KDM1B: variants seen among roughly 807,000 people sequenced by gnomAD.
KDM1B encodes the protein lysine-specific histone demethylase 2.
Under a neutral mutation model 107.4 loss-of-function variants are expected in KDM1B, and 63 were observed. That is an observed-to-expected ratio of 0.59 (90% CI 0.48 to 0.72). The LOEUF (loss-of-function observed/expected upper bound fraction) is 0.72. Ranked by LOEUF, KDM1B falls within the 30% of genes least tolerant of loss-of-function variation. The probability of loss-of-function intolerance (pLI) is 0.00; values close to 1 mark genes in which losing one functional copy is unlikely to be tolerated. For missense variants in KDM1B, 749 were observed against 1,020.8 expected (o/e 0.73, Z 3.63); for synonymous variants, 363 against 363.9 (o/e 1.00, Z 0.03).
chr6:18,187,505 C>T (rs1250979736), intron 8 of KDM1B, among the ~76,000 whole-genome samples: 1 of 152,138 alleles, frequency 6.6e-6, no homozygotes, highest in African/African-American at 2.4e-5. Flanking sequence ...AGCTTTCAGA[C>T]TCACCTGGCA....
At chr6:18,166,814 A>G (rs187774413) in intron 6 of KDM1B, among the ~76,000 whole-genome samples, 77 of 151,842 alleles carry the variant, frequency 5.1e-4, no homozygotes, top group African/African-American at 1.9e-3. Context: ...TGATTACACC[A>G]CTACACTCCA....
At chr6:18,196,578 G>A (rs1177918874) in intron 10 of KDM1B, among the ~76,000 whole-genome samples, 1 of 152,046 alleles carries the variant, frequency 6.6e-6, no homozygotes, top group African/African-American at 2.4e-5. Context: ...TGATGGTGAG[G>A]AGTTTTTCAT....
intron 7 of KDM1B, among the ~76,000 whole-genome samples, chr6:18,179,458 C>T (rs1786281973): frequency 6.6e-6 from 1 of 152,038 alleles, no homozygotes; most frequent in Non-Finnish European, 1.5e-5. Flanking sequence ...TTTGATATTA[C>T]TTCTTTTTTT....
chr6:18,173,081 A>ACT (rs904029407), intron 7 of KDM1B, among the ~76,000 whole-genome samples: 5 of 132,602 alleles, frequency 3.8e-5, no homozygotes, highest in African/African-American at 1.4e-4. Flanking sequence ...CAAGAGTGAA[A>ACT]CTCCATCTCA....
rs566351741 is a variant in KDM1B, at chr6:18,213,191, C to G, written c.1984-465C>G. On this transcript the variant is annotated intron_variant, in intron 18 of 21. Transcript: ENST00000650836. This position sits in a 1 kb window ranked among gnomAD's most constrained non-coding sequence, Gnocchi z 5.9. ...GTGGCTCATGCCTGTAATCCCAGCA[C>G]TTTGGAAGGCTGAGGAGGATGGATT... Among the ~76,000 whole-genome samples the G allele has an allele frequency of 4.6e-5, 7 of 152,264 alleles. No homozygotes were observed. The East Asian group carries it at 1.2e-3, about 25-fold the overall frequency.
Position 18,200,296 on chromosome 6 carries a change from CT to C in KDM1B, c.1222-138del. 1 of 859,762 alleles carries C rather than the reference CT, an allele frequency of 1.2e-6. No individual in the cohort carries two copies. Among genetic ancestry groups the C allele is most frequent in the Non-Finnish European group, 1.8e-6 (1 of 568,790 alleles). 53.3% of individuals were successfully genotyped at this position (859,762 alleles called of 1,614,324 possible). ...TTTTGGCTTCTCTTCACACTGCCTG[CT>C]TTTTAAAGTTGTTTTTTTAGAAATA... On this transcript the variant is annotated intron_variant, in intron 12 of 21. Coordinates refer to ENST00000650836, the MANE Select transcript of KDM1B (RefSeq NM_001364614.2). This position sits in a 1 kb window ranked among gnomAD's most constrained non-coding sequence, Gnocchi z 4.3.
In KDM1B at chr6:18,203,624, G is replaced by A. The variant is rs151116203; in HGVS notation, c.1532-1913G>A. ...TCTCAGCACTTTGGGAGGCCAAGGC[G>A]GGTGGATCACCTGAGTTCAGGAGTT... On this transcript the variant is annotated intron_variant, in intron 14 of 21. Coordinates refer to ENST00000650836, the MANE Select transcript of KDM1B (RefSeq NM_001364614.2). This position sits in a 1 kb window ranked among gnomAD's most constrained non-coding sequence, Gnocchi z 5.5. 6.6e-3 allele frequency among the ~76,000 whole-genome samples: 1,006 copies of A among 152,250 alleles called. 13 individuals carry two copies. Among genetic ancestry groups the A allele is most frequent in the African/African-American group, 0.022 (923 of 41,544 alleles).
Position 18,213,113 on chromosome 6 carries a change from T to C in KDM1B, c.1983+509T>C, listed in dbSNP as rs939720449. Among the ~76,000 whole-genome samples the C allele has an allele frequency of 1.8e-4, 28 of 152,204 alleles. No homozygotes were observed. The highest frequency in any genetic ancestry group is 6.7e-4 in the African/African-American group (28 of 41,524). On this transcript the variant is annotated intron_variant, in intron 18 of 21. Coordinates refer to ENST00000650836, the MANE Select transcript of KDM1B (RefSeq NM_001364614.2). This position sits in a 1 kb window ranked among gnomAD's most constrained non-coding sequence, Gnocchi z 5.9. ...TCTAGGTTGCCAGTGGGTTCCATTA[T>C]CCATGGGAATGGAACTGAGTGGCAT...
intron 20 of KDM1B, among the ~76,000 whole-genome samples, chr6:18,215,741 CTT>C (rs779967439): frequency 1.2e-4 from 17 of 140,656 alleles, no homozygotes; most frequent in Non-Finnish European, 2.0e-4. Flanking sequence ...ACACACTTCC[CTT>C]TTTTTTTTTT....
At position 18,159,829 on chromosome 6, in the gene KDM1B, T is replaced by C. The variant is rs1228028587; in HGVS notation, c.-13-54T>C. 2 of 914,320 alleles carry C rather than the reference T, an allele frequency of 2.2e-6. No homozygotes were observed. The highest frequency in any genetic ancestry group is 3.3e-5 in the African/African-American group (2 of 61,088). 56.6% of individuals were successfully genotyped at this position (914,320 alleles called of 1,614,324 possible). A position where few individuals can be genotyped will look rare whatever the true frequency, so the allele number is the denominator to read the frequency against. On this transcript the variant is annotated intron_variant, in intron 2 of 21. Transcript: ENST00000650836. The surrounding 1 kb of genome is among the most constrained non-coding windows in gnomAD (Gnocchi z 4.5). ...AAGTGTATAATAACTTGCTCCAGAC[T>C]GTTAAAAATATTTGCAGATGCTAAT...
chr6:18,188,482 C>CG (rs1787036588), intron 9 of KDM1B, among the ~76,000 whole-genome samples: 1 of 152,144 alleles, frequency 6.6e-6, no homozygotes. Context: ...AAAAGGTTTT[C>CG]AACTATATGA....
chr6:18,220,857 C>T (rs555368994), intron 21 of KDM1B, among the ~76,000 whole-genome samples: 27 of 151,838 alleles, frequency 1.8e-4, no homozygotes, highest in African/African-American at 4.8e-4. Context: ...CTGCAACCTC[C>T]GCCACCTGCG....
In KDM1B at chr6:18,172,255, G is replaced by A. The variant is rs978427142; in HGVS notation, c.534+776G>A. Among the ~76,000 whole-genome samples, 8 of 152,124 alleles carry A rather than the reference G, an allele frequency of 5.3e-5. No homozygotes were observed. Among genetic ancestry groups the A allele is most frequent in the South Asian group, 2.1e-4 (1 of 4,836 alleles). On this transcript the variant is annotated intron_variant, in intron 7 of 21. Coordinates refer to ENST00000650836, the MANE Select transcript of KDM1B (RefSeq NM_001364614.2). This position sits in a 1 kb window ranked among gnomAD's most constrained non-coding sequence, Gnocchi z 5.2. The stretch of plus-strand genomic sequence containing the variant: ...AAACCTATTATTATTGCTTTAGTGC[G>A]TTAAGGGTGTTAGTCTACACAAATG...
intron 4 of KDM1B, among the ~76,000 whole-genome samples, chr6:18,161,696 A>C (rs979391830): frequency 1.3e-5 from 2 of 152,120 alleles, no homozygotes; most frequent in Non-Finnish European, 2.9e-5. Context: ...CAGTGTCCTC[A>C]AATCCAGCCA....
chr6:18,178,574 G>A (rs904141867), intron 7 of KDM1B, among the ~76,000 whole-genome samples: 1 of 151,358 alleles, frequency 6.6e-6, no homozygotes, highest in East Asian at 1.9e-4. Context: ...TTGTATTTTA[G>A]TAGAGACAGG....
At position 18,219,348 on chromosome 6, in the gene KDM1B, G is replaced by GT. The variant is rs531602744; in HGVS notation, c.2385+1469dup. Among the ~76,000 whole-genome samples, 463 of 152,188 alleles carry GT rather than the reference G, an allele frequency of 3.0e-3. 3 individuals are homozygous for GT. The highest frequency in any genetic ancestry group is 0.01 in the African/African-American group (426 of 41,538). The stretch of plus-strand genomic sequence containing the variant: ...TTCTTATCTGCTAAAATAAAGATGA[G>GT]TTTTTTCTCTTTCTTTCTAGAGATT... On this transcript the variant is annotated intron_variant, in intron 21 of 21. Coordinates refer to ENST00000650836, the MANE Select transcript of KDM1B (RefSeq NM_001364614.2).
chr6:18,221,767 T>G, intron 21 of KDM1B, 142 bp from the exon 22 acceptor site: 1 of 669,340 alleles, frequency 1.5e-6, no homozygotes, highest in Non-Finnish European at 2.6e-6. Flanking sequence ...AGTTCCAGTG[T>G]TACGATGGGT....
chr6:18,190,275 A>G (rs1458015953), intron 9 of KDM1B, among the ~76,000 whole-genome samples: 1 of 151,830 alleles, frequency 6.6e-6, no homozygotes, highest in African/African-American at 2.4e-5. Flanking sequence ...AATGTACTTA[A>G]CACTACTGAA....
At chr6:18,166,598 C>T (rs538295134) in intron 6 of KDM1B, among the ~76,000 whole-genome samples, 4 of 152,034 alleles carry the variant, frequency 2.6e-5, no homozygotes, top group African/African-American at 4.8e-5. Context: ...TAATCCTAGC[C>T]CTTTGGTAGG....
Sources: allele counts gnomAD v4.1 joint callset (sites outside exome capture counted in the v4.1 genomes callset), GRCh38; gene constraint gnomAD v4.1.1; non-coding constraint Gnocchi (gnomAD v3.1); transcripts MANE v1.5; gene names NCBI Gene and HGNC (gene_info 2026-07-23, HGNC 2026-07-21).